VAT1L: variants seen among roughly 807,000 people sequenced by gnomAD.
VAT1L encodes putative NADPH-dependent quinone oxidoreductase VAT1L.
A neutral mutation model predicts 44.1 loss-of-function variants in VAT1L; 34 were observed. The ratio of observed to expected loss-of-function variants is 0.77; its 90% CI spans 0.59 to 1.03. VAT1L has a LOEUF of 1.03. Among genes scored for constraint, VAT1L ranks in the 50% least tolerant of loss-of-function variants. The pLI, the probability that VAT1L is intolerant of heterozygous loss-of-function variation, is 0.00. For synonymous variants in VAT1L, 253 were observed against 202.2 expected (o/e 1.25, Z -2.13); for missense variants, 615 against 538.8 (o/e 1.14, Z -1.40).
intron 7 of VAT1L, among the ~76,000 whole-genome samples, chr16:77,899,224 G>C (rs1320051392): frequency 6.6e-6 from 1 of 152,240 alleles, no homozygotes; most frequent in African/African-American, 2.4e-5. Flanking sequence ...GACAAAAAGT[G>C]GTGGAGCCAA....
At chr16:77,929,142 T>A (rs1388201745) in intron 7 of VAT1L, among the ~76,000 whole-genome samples, 4 of 152,102 alleles carry the variant, frequency 2.6e-5, no homozygotes, top group Non-Finnish European at 5.9e-5. Context: ...TGTGTGATAC[T>A]GATGTACTTT....
chr16:77,913,396 C>A (rs2017518712), intron 7 of VAT1L, among the ~76,000 whole-genome samples: 1 of 152,076 alleles, frequency 6.6e-6, no homozygotes, highest in African/African-American at 2.4e-5. Context: ...TTAGTCCAAG[C>A]AAACTCCTGC....
rs2018355939 is a variant in VAT1L, at chr16:77,977,674, G to T, written c.1239G>T (p.Glu413Asp). 6.2e-7 allele frequency: 1 copy of T among 1,613,980 alleles called. No homozygotes were observed. Among genetic ancestry groups the T allele is most frequent in the Admixed American group, 1.7e-5 (1 of 59,996 alleles). ...ACGAGGGAGACAGCGAGAACAAGGA[G>T]CGGATGCCCTTTATCCAGTAACTGA... ...EDHEGDSENK[E>D]RMPFIQ Residue 413 changes from glutamate (E) to aspartate (D), a missense_variant, in exon 9 of 9, where the codon GAG becomes GAT. Physicochemically the swap from Glu to Asp is conservative, Grantham distance 45. Coordinates refer to ENST00000302536, the MANE Select transcript of VAT1L (RefSeq NM_020927.3).
chr16:77,953,132 G>C (rs1358038651), intron 7 of VAT1L, among the ~76,000 whole-genome samples: 3 of 152,128 alleles, frequency 2.0e-5, no homozygotes, highest in African/African-American at 7.2e-5. Context: ...TCCAAGCCAA[G>C]GGCCACCAAA....
intron 7 of VAT1L, among the ~76,000 whole-genome samples, chr16:77,967,130 T>C (rs1324571769): frequency 6.6e-6 from 1 of 152,088 alleles, no homozygotes; most frequent in Non-Finnish European, 1.5e-5. Flanking sequence ...GACTTTGCTT[T>C]GCCAAGGTGT....
Position 77,862,819 on chromosome 16 carries a change from G to C in VAT1L, c.651G>C (p.Lys217Asn). ...VTVFGTASTF[K>N]HEAIKDSVTH... ...TCTTTGGAACAGCCTCTACTTTCAA[G>C]CATGAAGCAATCAAAGACTCTGTGA... The change falls in exon 4 of 9, where the codon AAG becomes AAC. Residue 217 changes from lysine to asparagine, a missense_variant. Lys to Asn is a moderately conservative substitution (Grantham distance 94). Coordinates refer to ENST00000302536, the MANE Select transcript of VAT1L (RefSeq NM_020927.3). The C allele has an allele frequency of 6.2e-7, 1 of 1,613,994 alleles. No homozygotes were observed. Among genetic ancestry groups the C allele is most frequent in the Non-Finnish European group, 8.5e-7 (1 of 1,179,990 alleles).
At chr16:77,946,276 G>GCTCTTTTT (rs1441996306) in intron 7 of VAT1L, among the ~76,000 whole-genome samples, 50 of 33,872 alleles carry the variant, frequency 1.5e-3, no homozygotes, top group Non-Finnish European at 2.3e-3. Flanking sequence ...TAGGTTACTT[G>GCTCTTTTT]TTCTTTTTTT....
chr16:77,851,871 C>T (rs2016811763), intron 3 of VAT1L, among the ~76,000 whole-genome samples: 1 of 152,098 alleles, frequency 6.6e-6, no homozygotes, highest in African/African-American at 2.4e-5. Context: ...GTCGTGTTTC[C>T]CCAGTGCTGA....
chr16:77,945,959 G>A (rs1184936765), intron 7 of VAT1L, among the ~76,000 whole-genome samples: 1 of 151,750 alleles, frequency 6.6e-6, no homozygotes, highest in African/African-American at 2.4e-5. Context: ...ATGCCACCAC[G>A]CCCACCTAAT....
In VAT1L at chr16:77,977,854, T is replaced by C. The variant is rs1046572999; in HGVS notation, c.*159T>C. On this transcript the variant is annotated 3_prime_UTR_variant, in exon 9 of 9. Coordinates refer to ENST00000302536, the MANE Select transcript of VAT1L (RefSeq NM_020927.3). Reference sequence around the variant, plus strand: ...AAAAGCTGTTGATCACTGTTGTTTTTTGAAGTGCCAATCCCATGCCATGCA... The same window carrying C: ...AAAAGCTGTTGATCACTGTTGTTTTCTGAAGTGCCAATCCCATGCCATGCA... 2.3e-4 allele frequency: 156 copies of C among 674,480 alleles called. 1 individual carries two copies. Among genetic ancestry groups the C allele is most frequent in the South Asian group, 1.1e-3 (60 of 54,828 alleles). The allele number at this position is 674,480 out of a possible 1,614,324, so 41.8% of individuals were successfully genotyped here.
intron 1 of VAT1L, among the ~76,000 whole-genome samples, chr16:77,802,289 GA>G (rs2016071413): frequency 6.6e-6 from 1 of 152,072 alleles, no homozygotes; most frequent in South Asian, 2.1e-4. Flanking sequence ...CAAAATAATT[GA>G]AAAGCACTGT....
intron 7 of VAT1L, among the ~76,000 whole-genome samples, chr16:77,947,940 G>C (rs1478328819): frequency 6.6e-6 from 1 of 152,092 alleles, no homozygotes; most frequent in African/African-American, 2.4e-5. Context: ...CGTATTTTTA[G>C]TAGAGACAGG....
chr16:77,798,481 A>G lies in VAT1L; in HGVS notation c.233+9566A>G, dbSNP rs9927370. ...GGGGAAAGAAGAAGATAATGCAGCT[A>G]AAGTGCCTAGCAAGGATGTTGATAC... On this transcript the variant is annotated intron_variant, in intron 1 of 8. Transcript: ENST00000302536. Among the ~76,000 whole-genome samples, 1,431 of 152,330 alleles carry G rather than the reference A, an allele frequency of 9.4e-3. 25 individuals are homozygous for G. Among genetic ancestry groups the G allele is most frequent in the African/African-American group, 0.032 (1,324 of 41,568 alleles).
intron 1 of VAT1L, among the ~76,000 whole-genome samples, chr16:77,797,737 A>C (rs2914450): frequency 0.51 from 77,768 of 152,036 alleles, 21,223 homozygotes; most frequent in Non-Finnish European, 0.6. Context: ...ATGACCTCCA[A>C]GCTCCTGGGA....
At chr16:77,799,812 T>G (rs1431599047) in intron 1 of VAT1L, among the ~76,000 whole-genome samples, 2 of 152,158 alleles carry the variant, frequency 1.3e-5, no homozygotes, top group African/African-American at 4.8e-5. Flanking sequence ...ATTTTCAACT[T>G]TGAGGCCCAT....
At chr16:77,849,804 G>A (rs1461400237) in intron 3 of VAT1L, among the ~76,000 whole-genome samples, 1 of 152,196 alleles carries the variant, frequency 6.6e-6, no homozygotes, top group Non-Finnish European at 1.5e-5. Flanking sequence ...TCACCTTCCA[G>A]CTGTGATGGG....
At chr16:77,909,572 G>C (rs1469158825) in intron 7 of VAT1L, among the ~76,000 whole-genome samples, 1 of 150,014 alleles carries the variant, frequency 6.7e-6, no homozygotes, top group Admixed American at 6.7e-5. Flanking sequence ...AAGAGGCAGA[G>C]GTTGCAGTGA....
At chr16:77,948,637 T>G (rs889445378) in intron 7 of VAT1L, among the ~76,000 whole-genome samples, 23 of 152,174 alleles carry the variant, frequency 1.5e-4, no homozygotes, top group African/African-American at 5.6e-4. Context: ...TAATATTTGG[T>G]TGATTTTTTC....
At chr16:77,911,134 A>G (rs1041273729) in intron 7 of VAT1L, among the ~76,000 whole-genome samples, 3 of 152,234 alleles carry the variant, frequency 2.0e-5, no homozygotes, top group African/African-American at 7.2e-5. Context: ...CAGTAAGACC[A>G]GTGTTCAAAC....
Sources: allele counts gnomAD v4.1 joint callset (sites outside exome capture counted in the v4.1 genomes callset), GRCh38; gene constraint gnomAD v4.1.1; transcripts MANE v1.5; gene names NCBI Gene and HGNC (gene_info 2026-07-23, HGNC 2026-07-21).